The following MYOZ2 variants were observed in gnomAD, a reference collection of about 807,000 sequenced individuals.
MYOZ2 encodes the protein myozenin 2.
A neutral mutation model predicts 25.4 loss-of-function variants in MYOZ2; 19 were observed. The observed-to-expected ratio is 0.75, with a 90% CI of 0.52 to 1.10. The LOEUF is 1.10. MYOZ2 is among the 50% of genes least tolerant of loss of function. MYOZ2 has a pLI of 0.00. For missense variants in MYOZ2, 270 were observed against 317.9 expected (o/e 0.85, Z 1.15); for synonymous variants, 92 against 106.9 (o/e 0.86, Z 0.86).
chr4:119,172,180 A>G (rs1741960683), intron 5 of MYOZ2, among the ~76,000 whole-genome samples: 1 of 152,196 alleles, frequency 6.6e-6, no homozygotes, highest in South Asian at 2.1e-4. Context: ...GAAAAAGTAA[A>G]CCAGGAGCAA....
At chr4:119,177,776 G>A (rs866314204) in intron 5 of MYOZ2, among the ~76,000 whole-genome samples, 14 of 151,972 alleles carry the variant, frequency 9.2e-5, no homozygotes, top group African/African-American at 2.4e-4. Flanking sequence ...CCACTCTAGG[G>A]TTATCCTGCA....
At chr4:119,150,840 G>A in intron 2 of MYOZ2, 32 bp from the exon 3 acceptor site, 1 of 1,602,956 alleles carries the variant, frequency 6.2e-7, no homozygotes, top group African/African-American at 1.3e-5. Flanking sequence ...GCTTACCTTG[G>A]GATTTTTACT....
rs1451946745 is a variant in MYOZ2 at position 119,186,248 on chromosome 4, G to A, written c.*48G>A. ...TAAAACTCTGAATATAAAAGTTGCT[G>A]TTCTACTATTTTAACTACTGGCAAA... On this transcript the variant is annotated 3_prime_UTR_variant, in exon 6 of 6. Coordinates refer to ENST00000307128, the MANE Select transcript of MYOZ2 (RefSeq NM_016599.5). 6.6e-7 allele frequency: 1 copy of A among 1,508,492 alleles called. No individual in the cohort carries two copies. The highest frequency in any genetic ancestry group is 2.3e-5 in the East Asian group (1 of 44,112). The allele number at this position is 1,508,492 out of a possible 1,614,324, so 93.4% of individuals were successfully genotyped here.
At chr4:119,151,430 A>G (rs4452412) in intron 3 of MYOZ2, among the ~76,000 whole-genome samples, 140,939 of 152,106 alleles carry the variant, frequency 0.93, 65,495 homozygotes, top group Non-Finnish European at 0.96. Flanking sequence ...CATTTTATTC[A>G]CTGAGTAAAC....
In MYOZ2 at chr4:119,186,591, T is replaced by A. The variant is rs1742299597; in HGVS notation, c.*391T>A. 4.9e-6 allele frequency: 1 copy of A among 203,970 alleles called. No individual in the cohort carries two copies. The highest frequency in any genetic ancestry group is 9.9e-6 in the Non-Finnish European group (1 of 100,912). 12.6% of individuals were successfully genotyped at this position (203,970 alleles called of 1,614,324 possible). On this transcript the variant is annotated 3_prime_UTR_variant, in exon 6 of 6. Coordinates refer to ENST00000307128, the MANE Select transcript of MYOZ2 (RefSeq NM_016599.5). ...GAGAGATATGAAGACCTATTCAGAG[T>A]TTCATCTGGGGATGAAAGCTATGGA...
intron 2 of MYOZ2, among the ~76,000 whole-genome samples, chr4:119,137,613 A>G (rs934125992): frequency 3.3e-5 from 5 of 152,300 alleles, no homozygotes; most frequent in South Asian, 2.1e-4. Context: ...TCCCCACGCA[A>G]TGTAATCATA....
At chr4:119,157,805 T>A (rs541461389) in intron 3 of MYOZ2, among the ~76,000 whole-genome samples, 4 of 152,334 alleles carry the variant, frequency 2.6e-5, no homozygotes, top group African/African-American at 9.6e-5. Context: ...TTAAGTGGAC[T>A]GTCATCATAA....
intron 5 of MYOZ2, among the ~76,000 whole-genome samples, chr4:119,167,118 T>C (rs1741840705): frequency 6.6e-6 from 1 of 152,200 alleles, no homozygotes; most frequent in Non-Finnish European, 1.5e-5. Flanking sequence ...AAAGCAGAGA[T>C]AAGCTGAAAG....
chr4:119,156,776 T>TGATGAA (rs1471027520), intron 3 of MYOZ2, among the ~76,000 whole-genome samples: 1 of 152,198 alleles, frequency 6.6e-6, no homozygotes, highest in Non-Finnish European at 1.5e-5. Flanking sequence ...ATGTGGGCTT[T>TGATGAA]GATGAAGCAG....
At chr4:119,182,440 A>T (rs1196620388) in intron 5 of MYOZ2, among the ~76,000 whole-genome samples, 1 of 152,102 alleles carries the variant, frequency 6.6e-6, no homozygotes, top group Non-Finnish European at 1.5e-5. Context: ...GCAACTTCTA[A>T]TAAGGAAGTT....
At chr4:119,147,226 T>C (rs1741320206) in intron 2 of MYOZ2, among the ~76,000 whole-genome samples, 1 of 152,158 alleles carries the variant, frequency 6.6e-6, no homozygotes, top group Admixed American at 6.5e-5. Flanking sequence ...AGCTTAAGTA[T>C]GTAATTTTAT....
At chr4:119,144,150 A>G (rs376163565) in intron 2 of MYOZ2, among the ~76,000 whole-genome samples, 2 of 152,066 alleles carry the variant, frequency 1.3e-5, no homozygotes, top group African/African-American at 4.8e-5. Flanking sequence ...CTGACCAATC[A>G]CTATTCTGCT....
At chr4:119,180,996 C>A (rs575948700) in intron 5 of MYOZ2, among the ~76,000 whole-genome samples, 1 of 152,180 alleles carries the variant, frequency 6.6e-6, no homozygotes, top group African/African-American at 2.4e-5. Flanking sequence ...TAAGTCCATG[C>A]ATATCTATAA....
intron 5 of MYOZ2, among the ~76,000 whole-genome samples, chr4:119,183,957 G>C (rs917502339): frequency 6.6e-6 from 1 of 151,994 alleles, no homozygotes; most frequent in Admixed American, 6.6e-5. Context: ...TGGGATTACA[G>C]GCATGCGCCA....
intron 5 of MYOZ2, among the ~76,000 whole-genome samples, chr4:119,178,070 C>T (rs1742115503): frequency 6.6e-6 from 1 of 152,196 alleles, no homozygotes; most frequent in African/African-American, 2.4e-5. Context: ...CATGTTGTCA[C>T]ATCCAATGGT....
chr4:119,172,967 T>A (rs1012687005), intron 5 of MYOZ2, among the ~76,000 whole-genome samples: 2 of 152,232 alleles, frequency 1.3e-5, no homozygotes, highest in Non-Finnish European at 2.9e-5. Flanking sequence ...ACTTAACCTC[T>A]TATCTTAATT....
intron 2 of MYOZ2, among the ~76,000 whole-genome samples, chr4:119,146,411 T>G (rs1741294424): frequency 6.6e-6 from 1 of 152,104 alleles, no homozygotes; most frequent in Non-Finnish European, 1.5e-5. Flanking sequence ...CCCATAAATT[T>G]TGATATGCTG....
At chr4:119,151,647 A>G (rs1365681107) in intron 3 of MYOZ2, among the ~76,000 whole-genome samples, 1 of 152,190 alleles carries the variant, frequency 6.6e-6, no homozygotes, top group Non-Finnish European at 1.5e-5. Context: ...TATTACATTC[A>G]CTTAAACTGT....
chr4:119,157,700 T>C (rs1324015390), intron 3 of MYOZ2, among the ~76,000 whole-genome samples: 1 of 152,150 alleles, frequency 6.6e-6, no homozygotes, highest in Non-Finnish European at 1.5e-5. Flanking sequence ...ATTTATCTCA[T>C]AGGGATGGTC....
Sources: allele counts gnomAD v4.1 joint callset (sites outside exome capture counted in the v4.1 genomes callset), GRCh38; gene constraint gnomAD v4.1.1; transcripts MANE v1.5; gene names NCBI Gene and HGNC (gene_info 2026-07-23, HGNC 2026-07-21).